Variants in TBC1D32 observed in about 807,000 individuals in gnomAD.
TBC1D32 encodes the protein TBC1 domain family member 32, also known as protein broad-minded.
TBC1D32 carries 151 observed loss-of-function variants against 170.3 expected under a neutral mutation model. The observed-to-expected ratio is 0.89, with a 90% CI of 0.78 to 1.01. TBC1D32 has a LOEUF of 1.01. TBC1D32 is among the 50% of genes least tolerant of loss of function. The probability of loss-of-function intolerance (pLI) is 0.00; values close to 1 mark genes in which losing one functional copy is unlikely to be tolerated. For missense variants in TBC1D32, 1,464 were observed against 1,457.1 expected (o/e 1.00, Z -0.08); for synonymous variants, 498 against 488.0 (o/e 1.02, Z -0.27).
At chr6:121,289,553 C>T (rs767499520) in intron 12 of TBC1D32, among the ~76,000 whole-genome samples, 6 of 152,152 alleles carry the variant, frequency 3.9e-5, no homozygotes, top group Non-Finnish European at 8.8e-5. Flanking sequence ...GAATCAATAT[C>T]GTGACAATGG....
At chr6:121,255,464 T>TG in intron 16 of TBC1D32, 54 bp from the exon 17 acceptor site, 2 of 407,498 alleles carry the variant, frequency 4.9e-6, no homozygotes. Context: ...AGCCATATAT[T>TG]TATATTTTAT....
At chr6:121,184,173 AT>A (rs1324596313) in intron 22 of TBC1D32, among the ~76,000 whole-genome samples, 2 of 152,020 alleles carry the variant, frequency 1.3e-5, no homozygotes, top group Non-Finnish European at 2.9e-5. Context: ...TATCTTTACC[AT>A]TTTATCAAAA....
rs138683793 is a variant in TBC1D32, at chr6:121,262,362, T to C, written c.1734-6077A>G. ...AAGGTTGAAATGAAAGAAAAAATGT[T>C]AAGGGCAGCCAGAGAGAAAGGCCAG... On this transcript the variant is annotated intron_variant, in intron 15 of 31. Coordinates refer to ENST00000398212, the MANE Select transcript of TBC1D32 (RefSeq NM_152730.6). Among the ~76,000 whole-genome samples the C allele has an allele frequency of 6.1e-4, 93 of 152,054 alleles. 2 individuals are homozygous for C. The East Asian group carries it at 0.017, about 28-fold the overall frequency.
chr6:121,123,493 T>A (rs1323443817), intron 26 of TBC1D32, among the ~76,000 whole-genome samples: 3 of 152,094 alleles, frequency 2.0e-5, no homozygotes, highest in African/African-American at 4.8e-5. Flanking sequence ...TAATGACCTT[T>A]TTGGTCTCTT....
At chr6:121,152,265 A>G (rs898476441) in intron 24 of TBC1D32, among the ~76,000 whole-genome samples, 3 of 152,118 alleles carry the variant, frequency 2.0e-5, no homozygotes, top group Non-Finnish European at 4.4e-5. Flanking sequence ...TATGAAGCTT[A>G]GTTTAGCTGG....
chr6:121,142,493 T>C (rs1208540278), intron 24 of TBC1D32, among the ~76,000 whole-genome samples: 1 of 152,234 alleles, frequency 6.6e-6, no homozygotes, highest in Non-Finnish European at 1.5e-5. Flanking sequence ...AAATAGGATA[T>C]AGATGTAATT....
intron 24 of TBC1D32, among the ~76,000 whole-genome samples, chr6:121,143,979 C>T (rs1783121373): frequency 6.6e-6 from 1 of 152,060 alleles, no homozygotes; most frequent in Admixed American, 6.6e-5. Context: ...GACTAAATCC[C>T]TGTAAAAATA....
chr6:121,203,826 T>A (rs574181100), intron 22 of TBC1D32, among the ~76,000 whole-genome samples: 1 of 151,298 alleles, frequency 6.6e-6, no homozygotes, highest in East Asian at 1.9e-4. Flanking sequence ...ATGATAACAT[T>A]TGGATATTAT....
chr6:121,214,824 G>A (rs766738865), intron 21 of TBC1D32, among the ~76,000 whole-genome samples: 17 of 152,196 alleles, frequency 1.1e-4, no homozygotes, highest in Non-Finnish European at 2.2e-4. Context: ...TGGGTTCCAA[G>A]CTCTTGTCCC....
intron 24 of TBC1D32, among the ~76,000 whole-genome samples, chr6:121,157,599 C>T (rs1247358074): frequency 2.6e-5 from 4 of 152,062 alleles, no homozygotes; most frequent in Non-Finnish European, 5.9e-5. Context: ...TTTATACTGT[C>T]TGTGAGTTAT....
chr6:121,083,245 G>A (rs1197829343), intron 31 of TBC1D32, among the ~76,000 whole-genome samples: 2 of 133,978 alleles, frequency 1.5e-5, no homozygotes, highest in African/African-American at 7.3e-5. Flanking sequence ...AATTACATAA[G>A]GTAATAACAC....
intron 29 of TBC1D32, among the ~76,000 whole-genome samples, chr6:121,106,684 T>C (rs1044426632): frequency 1.1e-4 from 16 of 152,004 alleles, no homozygotes; most frequent in Non-Finnish European, 1.8e-4. Context: ...ATAATTCAAA[T>C]TGGGAATGAT....
At chr6:121,105,139 T>C (rs193236821) in intron 30 of TBC1D32, among the ~76,000 whole-genome samples, 151 of 152,000 alleles carry the variant, frequency 9.9e-4, no homozygotes, top group African/African-American at 3.6e-3. Flanking sequence ...ATTAATGACA[T>C]TCAATTAGTT....
At chr6:121,263,480 C>T (rs1800043163) in intron 15 of TBC1D32, among the ~76,000 whole-genome samples, 1 of 152,088 alleles carries the variant, frequency 6.6e-6, no homozygotes, top group Admixed American at 6.5e-5. Flanking sequence ...GACTACCACA[C>T]AATAATAGTG....
chr6:121,287,037 A>G (rs1254787480), intron 12 of TBC1D32, among the ~76,000 whole-genome samples: 1 of 152,188 alleles, frequency 6.6e-6, no homozygotes. Flanking sequence ...GGTACCAGCC[A>G]CTGCAAAAAC....
chr6:121,259,322 A>T (rs1049601284), intron 15 of TBC1D32, among the ~76,000 whole-genome samples: 2 of 151,818 alleles, frequency 1.3e-5, no homozygotes, highest in African/African-American at 2.4e-5. Context: ...AATAAAAAGA[A>T]CCCAGATCTC....
chr6:121,128,171 G>A (rs769563707), intron 25 of TBC1D32, among the ~76,000 whole-genome samples: 8 of 152,130 alleles, frequency 5.3e-5, no homozygotes, highest in Non-Finnish European at 8.8e-5. Context: ...CATTACTAAA[G>A]TACTCCAAGA....
At chr6:121,095,848 G>A (rs1373365306) in intron 30 of TBC1D32, 5 of 152,078 alleles carry the variant, frequency 3.3e-5, no homozygotes, top group Non-Finnish European at 7.4e-5. Context: ...TTTTATTGAG[G>A]ATTTTTGCAT....
chr6:121,085,899 A>G (rs955383350), intron 31 of TBC1D32, among the ~76,000 whole-genome samples: 9 of 152,086 alleles, frequency 5.9e-5, no homozygotes, highest in African/African-American at 1.9e-4. Context: ...GGTCCTGATC[A>G]GAAACAGTAT....
Sources: gnomAD v4.1 joint callset for allele counts (sites outside exome capture counted in the v4.1 genomes callset) on GRCh38, gnomAD v4.1.1 for gene constraint, MANE v1.5 for transcripts, NCBI Gene and HGNC (gene_info 2026-07-23, HGNC 2026-07-21) for gene names.